The following PIK3CB variants were observed in gnomAD, a reference collection of about 807,000 sequenced individuals.
PIK3CB encodes the protein phosphatidylinositol-4,5-bisphosphate 3-kinase catalytic subunit beta.
In PIK3CB, 39 loss-of-function variants were observed where a neutral mutation model predicts 136.8. The ratio of observed to expected loss-of-function variants is 0.29; its 90% confidence interval spans 0.22 to 0.37. PIK3CB has a LOEUF of 0.37. Ranked by LOEUF, PIK3CB falls within the 10% of genes least tolerant of loss-of-function variation. The pLI is 1.00. For synonymous variants in PIK3CB, 428 were observed against 436.6 expected (o/e 0.98, Z 0.25); for missense variants, 868 against 1,275.4 (o/e 0.68, Z 4.87).
intron 1 of PIK3CB, among the ~76,000 whole-genome samples, chr3:138,802,335 G>C (rs2046185937): frequency 6.6e-6 from 1 of 150,886 alleles, no homozygotes; most frequent in Non-Finnish European, 1.5e-5. Flanking sequence ...AGCCGAGATC[G>C]CGCCATTGCA....
At chr3:138,780,996 T>A (rs2045916937) in intron 2 of PIK3CB, among the ~76,000 whole-genome samples, 1 of 152,084 alleles carries the variant, frequency 6.6e-6, no homozygotes, top group Admixed American at 6.6e-5. Flanking sequence ...AAAAATTAAG[T>A]CTTTACATAA....
chr3:138,756,990 G>T (rs1559865144), intron 3 of PIK3CB, among the ~76,000 whole-genome samples: 1 of 151,966 alleles, frequency 6.6e-6, no homozygotes, highest in African/African-American at 2.4e-5. Flanking sequence ...CTCAATAACA[G>T]AAAACAAAGT....
intron 21 of PIK3CB, among the ~76,000 whole-genome samples, chr3:138,660,249 A>G (rs765531296): frequency 1.3e-5 from 2 of 152,174 alleles, no homozygotes; most frequent in Non-Finnish European, 2.9e-5. Context: ...GATTATATAT[A>G]AAGCACTTAC....
intron 14 of PIK3CB, among the ~76,000 whole-genome samples, chr3:138,694,347 G>C (rs1472094561): frequency 6.6e-6 from 1 of 152,096 alleles, no homozygotes; most frequent in Non-Finnish European, 1.5e-5. Flanking sequence ...TTGCAGACTT[G>C]TATTATCACA....
intron 4 of PIK3CB, among the ~76,000 whole-genome samples, chr3:138,752,109 G>A (rs139679879): frequency 2.0e-5 from 3 of 152,048 alleles, no homozygotes; most frequent in East Asian, 3.9e-4. Context: ...CTCTGATTAC[G>A]ATTCTTTTAC....
chr3:138,688,052 G>A (rs1180440729), intron 16 of PIK3CB, among the ~76,000 whole-genome samples: 1 of 152,102 alleles, frequency 6.6e-6, no homozygotes, highest in East Asian at 1.9e-4. Flanking sequence ...AATCATTAAT[G>A]GGCTTTTCAA....
rs558261053 is a variant in PIK3CB at position 138,742,721 on chromosome 3, C to A, written c.458G>T (p.Arg153Leu). Residue 153 changes from arginine to leucine, a missense_variant, in exon 5 of 24, where the codon CGC (arginine) becomes CTC (leucine). Around this residue, in one of 4 missense-constraint regions of PIK3CB, gnomAD observed 612 missense variants for 801.1 expected, o/e 0.76. Coordinates refer to ENST00000674063, the MANE Select transcript of PIK3CB (RefSeq NM_006219.3). ...PEVNEFRRKM[R>L]KFSEEKILSL... is the part of the protein sequence containing the mutation. ...CAGGATTTTTTCCTCGCTGAATTTGCGCATTTTTCTTCGAAATTCATTTAC... is the reference window on the plus strand; with the variant it reads ...CAGGATTTTTTCCTCGCTGAATTTGAGCATTTTTCTTCGAAATTCATTTAC... 3.3e-5 allele frequency: 54 copies of A among 1,613,412 alleles called. No homozygotes were observed. Among genetic ancestry groups the A allele is most frequent in the Non-Finnish European group, 4.2e-5 (50 of 1,179,588 alleles).
rs2043154480 is a variant in PIK3CB at position 138,654,103 on chromosome 3, A to C, written c.*1286T>G. 1 of 197,878 alleles carries C rather than the reference A, an allele frequency of 5.1e-6. No individual in the cohort carries two copies. Among genetic ancestry groups the C allele is most frequent in the African/African-American group, 2.3e-5 (1 of 43,370 alleles). 12.3% of individuals were successfully genotyped at this position (197,878 alleles called of 1,614,324 possible). Reference sequence around the variant, plus strand: ...CAACAAAATTAAACATTCTTTAATAAAATTCCTATAGAAAGCTCAGTCATA... The same window carrying C: ...CAACAAAATTAAACATTCTTTAATACAATTCCTATAGAAAGCTCAGTCATA... On this transcript the variant is annotated 3_prime_UTR_variant, in exon 24 of 24. Coordinates refer to ENST00000674063, the MANE Select transcript of PIK3CB (RefSeq NM_006219.3).
At chr3:138,822,416 AT>A (rs1310514461) in intron 1 of PIK3CB, among the ~76,000 whole-genome samples, 3 of 151,612 alleles carry the variant, frequency 2.0e-5, no homozygotes, top group African/African-American at 7.3e-5. Context: ...GCATGGTGGC[AT>A]GCACCTGTAG....
At chr3:138,714,817 T>C in intron 8 of PIK3CB, 98 bp from the exon 9 acceptor site, 1 of 1,141,508 alleles carries the variant, frequency 8.8e-7, no homozygotes, top group Non-Finnish European at 1.2e-6. Context: ...ACTAAAAACA[T>C]CTTTATTTTG....
intron 8 of PIK3CB, among the ~76,000 whole-genome samples, chr3:138,722,281 T>C (rs1474446534): frequency 6.6e-6 from 1 of 150,666 alleles, no homozygotes; most frequent in Non-Finnish European, 1.5e-5. Context: ...CCTCAAATAA[T>C]CTGTAAAATG....
intron 16 of PIK3CB, among the ~76,000 whole-genome samples, chr3:138,688,318 A>C (rs1428638670): frequency 6.6e-6 from 1 of 151,948 alleles, no homozygotes. Context: ...TGGCCAACAC[A>C]GTGAAACCCT....
intron 8 of PIK3CB, among the ~76,000 whole-genome samples, chr3:138,730,814 C>CCTAG: frequency 6.6e-6 from 1 of 152,148 alleles, no homozygotes; most frequent in South Asian, 2.1e-4. Context: ...TACCTGTAGT[C>CCTAG]CTAGCTACTT....
At chr3:138,780,895 G>T (rs541023936) in intron 2 of PIK3CB, among the ~76,000 whole-genome samples, 2 of 152,160 alleles carry the variant, frequency 1.3e-5, no homozygotes, top group South Asian at 4.2e-4. Context: ...ATGTTGCCCA[G>T]CCTGATCTAA....
At chr3:138,796,942 T>G (rs1391968687) in intron 1 of PIK3CB, 1 of 152,234 alleles carries the variant, frequency 6.6e-6, no homozygotes, top group Non-Finnish European at 1.5e-5. Flanking sequence ...CTGAAAGATA[T>G]CCGCATGCTA....
chr3:138,763,664 G>T (rs566775261), intron 2 of PIK3CB, among the ~76,000 whole-genome samples: 1 of 152,282 alleles, frequency 6.6e-6, no homozygotes, highest in African/African-American at 2.4e-5. Context: ...GCTGGAAATG[G>T]TAAGGCATCT....
chr3:138,815,484 C>A (rs1332630057), intron 1 of PIK3CB, among the ~76,000 whole-genome samples: 1 of 147,648 alleles, frequency 6.8e-6, no homozygotes, highest in Non-Finnish European at 1.5e-5. Flanking sequence ...ATTTAAACAT[C>A]CATCCATATA....
intron 4 of PIK3CB, among the ~76,000 whole-genome samples, chr3:138,753,844 G>A (rs940613773): frequency 2.6e-5 from 4 of 152,126 alleles, no homozygotes; most frequent in Non-Finnish European, 5.9e-5. Flanking sequence ...GGCCTACTCT[G>A]TGGTACTTTT....
chr3:138,827,232 CA>C, intron 1 of PIK3CB, among the ~76,000 whole-genome samples: 1 of 152,238 alleles, frequency 6.6e-6, no homozygotes, highest in South Asian at 2.1e-4. Context: ...TCCTTATTTT[CA>C]AAAAGACTAA....
Sources: gnomAD v4.1 joint callset for allele counts (sites outside exome capture counted in the v4.1 genomes callset) on GRCh38, gnomAD v4.1.1 for gene constraint, gnomAD v4.1.1 regional missense constraint, MANE v1.5 for transcripts, NCBI Gene and HGNC (gene_info 2026-07-23, HGNC 2026-07-21) for gene names.